Variants in ABCB9 observed in about 807,000 individuals in gnomAD.
The protein encoded by ABCB9 is ABC-type oligopeptide transporter ABCB9.
Under a neutral mutation model 62.0 loss-of-function variants are expected in ABCB9, and 36 were observed. The ratio of observed to expected loss-of-function variants is 0.58; its 90% CI spans 0.45 to 0.77. The LOEUF (loss-of-function observed/expected upper bound fraction) is 0.77, where lower values mean the gene tolerates loss of function less well. Among genes scored for constraint, ABCB9 ranks in the 30% least tolerant of loss-of-function variants. The pLI, the probability that ABCB9 is intolerant of heterozygous loss-of-function variation, is 0.00. For missense variants in ABCB9, 943 were observed against 1,054.7 expected (o/e 0.89, Z 1.47); for synonymous variants, 435 against 461.4 (o/e 0.94, Z 0.73).
chr12:122,967,426 G>T (rs2037209844), upstream of ABCB9, among the ~76,000 whole-genome samples: 1 of 152,030 alleles, frequency 6.6e-6, no homozygotes, highest in African/African-American at 2.4e-5. Flanking sequence ...GGAAGTGGGT[G>T]GGGGAGTGGA....
chr12:122,930,890 T>C lies in ABCB9; in HGVS notation c.2041-719A>G, dbSNP rs2135755073. Among the ~76,000 whole-genome samples, 1 of 152,334 alleles carries C rather than the reference T, an allele frequency of 6.6e-6. No homozygotes were observed. Among genetic ancestry groups the C allele is most frequent in the African/African-American group, 2.4e-5 (1 of 41,576 alleles). On this transcript the variant is annotated intron_variant, in intron 11 of 11. Transcript: ENST00000280560. The surrounding 1 kb of genome is among the most constrained non-coding windows in gnomAD (Gnocchi z 4.9). Reference sequence around the variant, plus strand: ...GCATAGACTGAGGTTGCTAGCCATCTGCAAATACATGACTGGGCCCACCTG... The same window carrying C: ...GCATAGACTGAGGTTGCTAGCCATCCGCAAATACATGACTGGGCCCACCTG...
At chr12:122,951,558 G>A (rs2036369371) in intron 2 of ABCB9, 1 of 152,136 alleles carries the variant, frequency 6.6e-6, no homozygotes. Flanking sequence ...GACTCGTCCA[G>A]GCCACATGGC....
chr12:122,920,721 A>G (rs2034726471), downstream of ABCB9, among the ~76,000 whole-genome samples: 1 of 151,834 alleles, frequency 6.6e-6, no homozygotes, highest in South Asian at 2.1e-4. Context: ...CCTGGGTGAC[A>G]TGGTGAAACC....
At position 122,940,877 on chromosome 12, in the gene ABCB9, A is replaced by C; in HGVS notation, c.1499T>G (p.Leu500Arg). 6.2e-7 allele frequency: 1 copy of C among 1,612,192 alleles called. No individual in the cohort carries two copies. The highest frequency in any genetic ancestry group is 8.5e-7 in the Non-Finnish European group (1 of 1,179,202). The change falls in exon 8 of 12, where the codon CTG (leucine) becomes CGG (arginine). Residue 500 changes from leucine to arginine, a missense_variant. Physicochemically the swap from Leu to Arg is moderately radical, Grantham distance 102 (BLOSUM62 -2). Coordinates refer to ENST00000280560, the MANE Select transcript of ABCB9 (RefSeq NM_019625.4). The surrounding 1 kb of genome is among the most constrained non-coding windows in gnomAD (Gnocchi z 4.8). Reference protein sequence around the residue: ...VHDGSLAPDHLEGRVDFENVT... With the variant: ...VHDGSLAPDHREGRVDFENVT... ...ATTCTCAAAGTCCACCCGGCCCTCC[A>C]GGTGGTCGGGGGCCAAGCTGCCATC...
chr12:122,939,034 T>C (rs759242768), intron 9 of ABCB9, among the ~76,000 whole-genome samples: 10 of 151,802 alleles, frequency 6.6e-5, no homozygotes, highest in Non-Finnish European at 1.5e-4. Flanking sequence ...TAGTCAGGCA[T>C]GGTGACGCAC....
chr12:122,945,210 G>A (rs1252138557), intron 6 of ABCB9, among the ~76,000 whole-genome samples: 2 of 152,168 alleles, frequency 1.3e-5, no homozygotes, highest in African/African-American at 4.8e-5. Context: ...GGAGGTGGCA[G>A]CACCAGGAAG....
chr12:122,919,645 C>G (rs971308361), downstream of ABCB9, among the ~76,000 whole-genome samples: 2 of 152,164 alleles, frequency 1.3e-5, no homozygotes, highest in African/African-American at 4.8e-5. Context: ...CTGCTGCCAT[C>G]TTTTCACCAT....
chr12:122,933,659 T>C (rs1428649571), intron 10 of ABCB9, among the ~76,000 whole-genome samples: 1 of 152,056 alleles, frequency 6.6e-6, no homozygotes, highest in Non-Finnish European at 1.5e-5. Flanking sequence ...AAATAATATA[T>C]ATTTATTATA....
intron 3 of ABCB9, 99 bp downstream of exon 3, chr12:122,950,352 G>A (rs1405824786): frequency 5.1e-6 from 6 of 1,181,566 alleles, no homozygotes; most frequent in Non-Finnish European, 7.0e-6. Context: ...CATTTCCAGG[G>A]CCTCCCTGGC....
upstream of ABCB9, among the ~76,000 whole-genome samples, chr12:122,970,083 A>T (rs2037253450): frequency 6.6e-6 from 1 of 152,180 alleles, no homozygotes; most frequent in Non-Finnish European, 1.5e-5. Context: ...TAGAAGCTTT[A>T]TCATTATTAC....
At chr12:122,920,871 C>T (rs2034730126), downstream of ABCB9, 1 of 685,160 alleles carries the variant, frequency 1.5e-6, no homozygotes, top group South Asian at 1.8e-5. Flanking sequence ...TGAGATCGTA[C>T]CACTGCACTC....
At position 122,945,963 on chromosome 12, in the gene ABCB9, G is replaced by A. The variant is rs369175379; in HGVS notation, c.1251+62C>T. Reference sequence around the variant, plus strand: ...GCAGGACTGATGTCCTAGATCGAGGGCTTCCCCCATCTTTGCATCCCATCC... The same window carrying A: ...GCAGGACTGATGTCCTAGATCGAGGACTTCCCCCATCTTTGCATCCCATCC... On this transcript the variant is annotated intron_variant, in intron 6 of 11. Transcript: ENST00000280560. 3.9e-6 allele frequency: 6 copies of A among 1,555,294 alleles called. No homozygotes were observed. In the East Asian group the frequency reaches 1.4e-4, roughly 35 times the overall value.
Position 122,932,157 on chromosome 12 carries a change from C to G in ABCB9, c.2040+35G>C, listed in dbSNP as rs185504915. The G allele has an allele frequency of 3.0e-5, 46 of 1,550,878 alleles. No homozygotes were observed. The East Asian group carries it at 1.1e-3, about 38-fold the overall frequency. ...GGGGCTCTGGCCACCTGGAGCCGCT[C>G]CTGCCCCCGCATTGCCCACCACCCT... On this transcript the variant is annotated intron_variant, in intron 11 of 11. Transcript: ENST00000280560. This position sits in a 1 kb window ranked among gnomAD's most constrained non-coding sequence, Gnocchi z 4.7.
At chr12:122,935,837 T>TC (rs2035431179) in intron 9 of ABCB9, among the ~76,000 whole-genome samples, 1 of 152,128 alleles carries the variant, frequency 6.6e-6, no homozygotes, top group Non-Finnish European at 1.5e-5. Context: ...CTGGCGGTGG[T>TC]CCCCTCCCTT....
In ABCB9 at chr12:122,935,918, T is replaced by A. The variant is rs191554187; in HGVS notation, c.1744-487A>T. Among the ~76,000 whole-genome samples the A allele has an allele frequency of 6.6e-5, 10 of 152,086 alleles. No homozygotes were observed. The East Asian group carries it at 1.4e-3, about 21-fold the overall frequency. ...CAGGAATCTGGGCCTACAAAAATAA[T>A]AGTATGGCCAGGCCTGGTGGCTCAT... On this transcript the variant is annotated intron_variant, in intron 9 of 11. Transcript: ENST00000280560.
chr12:122,947,593 T>C lies in ABCB9; in HGVS notation c.1053+1031A>G. 1 of 366,966 alleles carries C rather than the reference T, an allele frequency of 2.7e-6. No individual in the cohort carries two copies. Among genetic ancestry groups the C allele is most frequent in the Non-Finnish European group, 5.7e-6 (1 of 175,482 alleles). 22.7% of individuals were successfully genotyped at this position (366,966 alleles called of 1,614,324 possible). ...TGTCACAGGGTCACAGCCCTGCCTG[T>C]CTGAACCCAGCCTGTCTGTCCCTTA... On this transcript the variant is annotated intron_variant, in intron 5 of 11. Transcript: ENST00000280560. This position sits in a 1 kb window ranked among gnomAD's most constrained non-coding sequence, Gnocchi z 6.0.
chr12:122,973,121 C>G (rs2037299753), intron 1 of ABCB9: 1 of 152,376 alleles, frequency 6.6e-6, no homozygotes, highest in African/African-American at 2.4e-5. Flanking sequence ...AAATATTCTT[C>G]TTGCTGCTGC....
In ABCB9 at chr12:122,944,146, C is replaced by T. The variant is rs1429889272; in HGVS notation, c.1380+245G>A. ...GTTTCACCATGTTGGCCAGGCTGGT[C>T]TCGAACTCCTGACCTCAAGTGATCC... is the stretch of plus-strand genomic sequence containing the variant. On this transcript the variant is annotated intron_variant, in intron 7 of 11. Transcript: ENST00000280560. The surrounding 1 kb of genome is among the most constrained non-coding windows in gnomAD (Gnocchi z 4.9). Among the ~76,000 whole-genome samples the T allele has an allele frequency of 6.6e-6, 1 of 152,102 alleles. No homozygotes were observed. Among genetic ancestry groups the T allele is most frequent in the Admixed American group, 6.5e-5 (1 of 15,274 alleles).
intron 9 of ABCB9, among the ~76,000 whole-genome samples, chr12:122,939,094 C>T (rs568358834): frequency 6.6e-6 from 1 of 152,134 alleles, no homozygotes; most frequent in South Asian, 2.1e-4. Context: ...ATAGCTTGAA[C>T]CCGGGAGGCG....
Sources: gnomAD v4.1 joint callset for allele counts (sites outside exome capture counted in the v4.1 genomes callset) on GRCh38, gnomAD v4.1.1 for gene constraint, Gnocchi (gnomAD v3.1) non-coding constraint, MANE v1.5 for transcripts, NCBI Gene and HGNC (gene_info 2026-07-23, HGNC 2026-07-21) for gene names.